Variants in CREB5 observed in about 807,000 individuals in gnomAD.
CREB5 encodes cyclic AMP-responsive element-binding protein 5.
Under a neutral mutation model 57.1 loss-of-function variants are expected in CREB5, and 19 were observed. The observed-to-expected ratio is 0.33, with a 90% CI of 0.23 to 0.49. CREB5 has a LOEUF of 0.49. Among genes scored for constraint, CREB5 ranks in the 20% least tolerant of loss-of-function variants. The pLI is 0.99. For synonymous variants in CREB5, 238 were observed against 238.3 expected, an observed-to-expected ratio of 1.00 and a Z score of 0.01; for missense variants, 579 against 671.6, an observed-to-expected ratio of 0.86 and a Z score of 1.52.
At chr7:28,452,498 G>A (rs1004185376) in intron 1 of CREB5, among the ~76,000 whole-genome samples, 5 of 152,144 alleles carry the variant, frequency 3.3e-5, no homozygotes, top group Admixed American at 3.3e-4. Flanking sequence ...ACAGGAAACA[G>A]CATGGTAAAA....
chr7:28,537,694 C>A (rs1187524218), intron 4 of CREB5, among the ~76,000 whole-genome samples: 1 of 152,174 alleles, frequency 6.6e-6, no homozygotes, highest in Non-Finnish European at 1.5e-5. Flanking sequence ...AAATTCATAA[C>A]CGATTTGTTC....
At chr7:28,324,110 G>GTCCC (rs1785537745) in intron 1 of CREB5, among the ~76,000 whole-genome samples, 1 of 152,168 alleles carries the variant, frequency 6.6e-6, no homozygotes, top group Non-Finnish European at 1.5e-5. Flanking sequence ...ACGCTGTGCG[G>GTCCC]TCCCCTATGG....
At chr7:28,448,333 G>C (rs574071106) in intron 1 of CREB5, among the ~76,000 whole-genome samples, 1 of 152,298 alleles carries the variant, frequency 6.6e-6, no homozygotes, top group East Asian at 1.9e-4. Flanking sequence ...TATCCTATTA[G>C]TTCTGTCCCT....
At chr7:28,343,101 C>T (rs1785969286) in intron 1 of CREB5, among the ~76,000 whole-genome samples, 1 of 152,060 alleles carries the variant, frequency 6.6e-6, no homozygotes, top group African/African-American at 2.4e-5. Context: ...CCACCACGCC[C>T]AGCTAATTTT....
chr7:28,814,632 A>G (rs1274789505), intron 9 of CREB5, among the ~76,000 whole-genome samples: 1 of 152,216 alleles, frequency 6.6e-6, no homozygotes, highest in East Asian at 1.9e-4. Context: ...CTTTCTCAAT[A>G]GAAGGTGACA....
At chr7:28,673,016 A>G (rs973503496) in intron 5 of CREB5, among the ~76,000 whole-genome samples, 2 of 152,082 alleles carry the variant, frequency 1.3e-5, no homozygotes, top group African/African-American at 2.4e-5. Flanking sequence ...CCTTACCTCT[A>G]CTGCCCTTTT....
At chr7:28,806,547 G>A (rs574383547) in intron 8 of CREB5, among the ~76,000 whole-genome samples, 2 of 152,284 alleles carry the variant, frequency 1.3e-5, no homozygotes, top group South Asian at 2.1e-4. Flanking sequence ...TCTATGCCAA[G>A]AGAATTCTGC....
intron 1 of CREB5, among the ~76,000 whole-genome samples, chr7:28,333,435 A>C (rs1174716689): frequency 6.6e-6 from 1 of 152,178 alleles, no homozygotes; most frequent in Non-Finnish European, 1.5e-5. Context: ...TAAAATGTAC[A>C]ATTAAATCAT....
chr7:28,690,835 C>A (rs1015299496), intron 5 of CREB5, among the ~76,000 whole-genome samples: 1 of 152,178 alleles, frequency 6.6e-6, no homozygotes, highest in Non-Finnish European at 1.5e-5. Flanking sequence ...TTTCTCTAGC[C>A]TTTCTTCTGT....
At chr7:28,580,429 C>CCACACACACACACACACACACACACACA (rs70977058) in intron 5 of CREB5, among the ~76,000 whole-genome samples, 1 of 130,878 alleles carries the variant, frequency 7.6e-6, no homozygotes, top group Non-Finnish European at 1.6e-5. Flanking sequence ...TCCCCCCCCA[C>CCACACACACACACACACACACACACACA]CACACACACA....
intron 5 of CREB5, among the ~76,000 whole-genome samples, chr7:28,642,822 T>C (rs1798708989): frequency 6.6e-6 from 1 of 152,126 alleles, no homozygotes; most frequent in African/African-American, 2.4e-5. Flanking sequence ...TGGGAGCAGA[T>C]GTAAATGGCA....
At chr7:28,421,914 G>T (rs1039034975) in intron 1 of CREB5, among the ~76,000 whole-genome samples, 49 of 139,602 alleles carry the variant, frequency 3.5e-4, no homozygotes, top group African/African-American at 1.2e-3. Flanking sequence ...GAGAGAGTGT[G>T]TATGTGTGTG....
intron 7 of CREB5, among the ~76,000 whole-genome samples, chr7:28,756,295 G>A (rs900457651): frequency 6.6e-6 from 1 of 152,210 alleles, no homozygotes; most frequent in Non-Finnish European, 1.5e-5. Context: ...GCTCACACCT[G>A]TAATCCCAGC....
chr7:28,561,013 T>TGCGTGC (rs1562798550), intron 4 of CREB5, among the ~76,000 whole-genome samples: 1 of 40,550 alleles, frequency 2.5e-5, no homozygotes, highest in Non-Finnish European at 4.2e-5. Context: ...TGCGTGTGTG[T>TGCGTGC]GTGCGTGTGT....
intron 1 of CREB5, among the ~76,000 whole-genome samples, chr7:28,357,020 C>A (rs530815954): frequency 6.6e-6 from 1 of 152,110 alleles, no homozygotes; most frequent in Non-Finnish European, 1.5e-5. Context: ...AGTAATAAGA[C>A]AAAAATGCCA....
chr7:28,684,962 G>A (rs1800788907), intron 5 of CREB5, among the ~76,000 whole-genome samples: 1 of 152,150 alleles, frequency 6.6e-6, no homozygotes, highest in Non-Finnish European at 1.5e-5. Context: ...GTGGGGAGGT[G>A]TGAAGTGAGG....
At chr7:28,502,215 A>C (rs1792301787) in intron 3 of CREB5, among the ~76,000 whole-genome samples, 1 of 152,174 alleles carries the variant, frequency 6.6e-6, no homozygotes, top group South Asian at 2.1e-4. Flanking sequence ...CTAAAATTCC[A>C]TGGAATTCTG....
chr7:28,306,176 G>A (rs927717380), intron 1 of CREB5, among the ~76,000 whole-genome samples: 4 of 152,178 alleles, frequency 2.6e-5, no homozygotes, highest in Non-Finnish European at 5.9e-5. Context: ...TGCTGTTCAT[G>A]CCTAGGGTAG....
intron 7 of CREB5, among the ~76,000 whole-genome samples, chr7:28,764,283 CAT>C (rs1388025950): frequency 6.6e-6 from 1 of 151,144 alleles, no homozygotes; most frequent in African/African-American, 2.4e-5. Context: ...AATGATATAA[CAT>C]TAACATTATA....
Sources: gnomAD v4.1 joint callset for allele counts (sites outside exome capture counted in the v4.1 genomes callset) on GRCh38, gnomAD v4.1.1 for gene constraint, MANE v1.5 for transcripts, NCBI Gene and HGNC (gene_info 2026-07-23, HGNC 2026-07-21) for gene names.